GNAI2: variants seen among roughly 807,000 people sequenced by gnomAD.
GNAI2 encodes the protein guanine nucleotide-binding protein G(i) subunit alpha-2.
GNAI2 carries 4 observed loss-of-function variants against 36.8 expected under a neutral mutation model. The observed-to-expected ratio is 0.11, with a 90% CI of 0.05 to 0.25. The LOEUF is 0.25. Ranked by LOEUF, GNAI2 falls within the 10% of genes least tolerant of loss-of-function variation. GNAI2 has a pLI of 1.00. For missense variants in GNAI2, 230 were observed against 481.3 expected, an observed-to-expected ratio of 0.48 and a Z score of 4.89; for synonymous variants, 194 against 194.1, an observed-to-expected ratio of 1.00 and a Z score of 0.01.
rs1442854791 is a variant in GNAI2 at position 50,241,668 on chromosome 3, C to T, written c.118+5215C>T. On this transcript the variant is annotated intron_variant, in intron 1 of 8. Coordinates refer to ENST00000313601, the MANE Select transcript of GNAI2 (RefSeq NM_002070.4). This position sits in a 1 kb window ranked among gnomAD's most constrained non-coding sequence, Gnocchi z 5.0. ...AGGTGTGAGGACAGAGAGAATGAGC[C>T]GCGCTGCTGTGGCAGGAGGTGGAAG... 6.6e-6 allele frequency among the ~76,000 whole-genome samples: 1 copy of T among 152,182 alleles called. No homozygotes were observed. The highest frequency in any genetic ancestry group is 6.5e-5 in the Admixed American group (1 of 15,276).
rs1431211734 is a variant in GNAI2 at position 50,253,344 on chromosome 3, G to A, written c.464+160G>A. Among the ~76,000 whole-genome samples the A allele has an allele frequency of 3.3e-5, 5 of 152,048 alleles. No homozygotes were observed. The highest frequency in any genetic ancestry group is 9.7e-5 in the African/African-American group (4 of 41,382). ...CTTCCTGTTTTTTGGTTTGGGGGGTGGGTGGGTGTCACGTTACTGAAAGGC... is the reference window on the plus strand; with the variant it reads ...CTTCCTGTTTTTTGGTTTGGGGGGTAGGTGGGTGTCACGTTACTGAAAGGC... On this transcript the variant is annotated intron_variant, in intron 4 of 8. Transcript: ENST00000313601. This position sits in a 1 kb window ranked among gnomAD's most constrained non-coding sequence, Gnocchi z 4.2.
intron 5 of GNAI2, 162 bp from the exon 6 acceptor site, chr3:50,256,561 C>G (rs1575456696): frequency 2.5e-6 from 2 of 802,802 alleles, no homozygotes; most frequent in East Asian, 5.1e-5. Context: ...TGTCCAAGCT[C>G]CTGGCCCAGA....
In GNAI2 at chr3:50,252,040, TTCTGTGCCTGTGGAGCCCC is replaced by T; in HGVS notation, c.119-55_119-37del. 2.6e-6 allele frequency: 4 copies of T among 1,527,714 alleles called. No homozygotes were observed. Among genetic ancestry groups the T allele is most frequent in the Non-Finnish European group, 3.6e-6 (4 of 1,103,492 alleles). The allele number at this position is 1,527,714 out of a possible 1,614,324, so 94.6% of individuals were successfully genotyped here. On this transcript the variant is annotated intron_variant, in intron 1 of 8. Transcript: ENST00000313601. The surrounding 1 kb of genome is among the most constrained non-coding windows in gnomAD (Gnocchi z 4.1). ...TGGGCTACAGGTGTCTGGGCATTTG[TTCTGTGCCTGTGGAGCCCC>T]TCTGGGCCTGCCCCCTGACCACCTG...
At chr3:50,246,802 G>A in intron 1 of GNAI2, 1 of 831,490 alleles carries the variant, frequency 1.2e-6, no homozygotes, top group Non-Finnish European at 1.7e-6. Context: ...CAGCAGTGAG[G>A]CTCCTGGGCA....
upstream of GNAI2, chr3:50,229,152 C>G (rs1468819650): frequency 6.6e-6 from 1 of 152,162 alleles, no homozygotes; most frequent in Non-Finnish European, 1.5e-5. Context: ...GAAAGCATGG[C>G]AAGGAGGACT....
At chr3:50,250,644 G>A (rs1700531916) in intron 1 of GNAI2, among the ~76,000 whole-genome samples, 1 of 152,154 alleles carries the variant, frequency 6.6e-6, no homozygotes, top group Non-Finnish European at 1.5e-5. Flanking sequence ...AGCAGCAAGG[G>A]AGCAAGGTCA....
rs1170893603 is a variant in GNAI2 at position 50,256,044 on chromosome 3, CAAAAAAAAAAAA to C, written c.465-130_465-119del. On this transcript the variant is annotated intron_variant, in intron 4 of 8. Coordinates refer to ENST00000313601, the MANE Select transcript of GNAI2 (RefSeq NM_002070.4). ...CTGGCAACAGAGTAACACTCTGTCT[CAAAAAAAAAAAA>C]AAAAAAAAAAAAAAAAAGCAAGGGC... The C allele has an allele frequency of 1.1e-3, 155 of 142,750 alleles. 1 individual carries two copies. In the African/African-American group the frequency reaches 0.014, roughly 13 times the overall value. The allele number at this position is 142,750 out of a possible 1,614,324, so 8.8% of individuals were successfully genotyped here. A position where few individuals can be genotyped will look rare whatever the true frequency, so the allele number is the denominator to read the frequency against.
chr3:50,257,656 T>C lies in GNAI2; in HGVS notation c.1034T>C (p.Ile345Thr), dbSNP rs1553703500. The C allele has an allele frequency of 1.3e-6, 2 of 1,599,780 alleles. No individual in the cohort carries two copies. The highest frequency in any genetic ancestry group is 8.5e-7 in the Non-Finnish European group (1 of 1,172,044). The change falls in exon 8 of 9, where the codon ATC becomes ACC. Residue 345 changes from isoleucine to threonine, a missense_variant. Ile to Thr is a moderately conservative substitution (Grantham distance 89). Transcript: ENST00000313601. The stretch of plus-strand genomic sequence containing the variant: ...TTTGACGCCGTCACCGATGTCATCA[T>C]CAAGAACAACCTGAAGGACTGCGGC... ...FVFDAVTDVIIKNNLKDCGLF is the reference protein window; with the variant it reads ...FVFDAVTDVITKNNLKDCGLF
chr3:50,227,083 C>G (rs1365311385), upstream of GNAI2: 2 of 1,255,472 alleles, frequency 1.6e-6, no homozygotes, highest in Non-Finnish European at 2.1e-6. The surrounding 1 kb of genome is among the most constrained non-coding windows in gnomAD (Gnocchi z 5.9). Context: ...ACCGTCTAAT[C>G]TCTGCTGTGA....
At position 50,256,959 on chromosome 3, in the gene GNAI2, A is replaced by G; in HGVS notation, c.746A>G (p.Lys249Arg). ...EEMNRMHESM[K>R]LFDSICNNKW... Reference sequence around the variant, plus strand: ...CAGAACCGCATGCATGAGAGCATGAAGCTATTCGATAGCATCTGCAACAAC... The same window carrying G: ...CAGAACCGCATGCATGAGAGCATGAGGCTATTCGATAGCATCTGCAACAAC... Residue 249 changes from lysine (K) to arginine (R), a missense_variant, in exon 7 of 9, where the codon AAG (lysine) becomes AGG (arginine). Physicochemically the swap from Lys to Arg is conservative, Grantham distance 26 (BLOSUM62 2). Coordinates refer to ENST00000313601, the MANE Select transcript of GNAI2 (RefSeq NM_002070.4). 1 of 1,614,158 alleles carries G rather than the reference A, an allele frequency of 6.2e-7. No individual in the cohort carries two copies. The highest frequency in any genetic ancestry group is 8.5e-7 in the Non-Finnish European group (1 of 1,180,010).
chr3:50,227,497 G>A, upstream of GNAI2: 1 of 240,214 alleles, frequency 4.2e-6, no homozygotes, highest in East Asian at 7.1e-5. This position sits in a 1 kb window ranked among gnomAD's most constrained non-coding sequence, Gnocchi z 5.9. Flanking sequence ...CCCCAGGCCC[G>A]CCAGGAGGCG....
chr3:50,251,349 C>T, intron 1 of GNAI2: 1 of 994,716 alleles, frequency 1.0e-6, no homozygotes, highest in Non-Finnish European at 1.2e-6. Context: ...CAGCAAATCT[C>T]AGTACCAGCT....
rs1459010424 is a variant in GNAI2 at position 50,252,625 on chromosome 3, A to G, written c.303+87A>G. ...GTGGCTCATGCCTATAAATCCCAGC[A>G]CTTTGGGACGCCGAGGCGGGTGGAT... On this transcript the variant is annotated intron_variant, in intron 3 of 8. Transcript: ENST00000313601. The surrounding 1 kb of genome is among the most constrained non-coding windows in gnomAD (Gnocchi z 4.1). 13 of 1,158,752 alleles carry G rather than the reference A, an allele frequency of 1.1e-5. No homozygotes were observed. The highest frequency in any genetic ancestry group is 1.6e-5 in the Non-Finnish European group (13 of 802,762). 71.8% of individuals were successfully genotyped at this position (1,158,752 alleles called of 1,614,324 possible).
intron 1 of GNAI2, among the ~76,000 whole-genome samples, chr3:50,249,295 AC>A (rs1292970369): frequency 6.6e-6 from 1 of 152,128 alleles, no homozygotes. Context: ...AGTGGGGAAG[AC>A]AGTCAGGTAG....
chr3:50,232,375 C>T (rs1553699863), upstream of GNAI2, among the ~76,000 whole-genome samples: 1 of 152,178 alleles, frequency 6.6e-6, no homozygotes, highest in Admixed American at 6.5e-5. Flanking sequence ...TTATTGAGGG[C>T]TTTCTATGTG....
rs1305806290 is a variant in GNAI2 at position 50,236,302 on chromosome 3, GGGCCGGGCGGC to G, written c.-25_-15del. 5 of 1,333,970 alleles carry G rather than the reference GGGCCGGGCGGC, an allele frequency of 3.7e-6. No homozygotes were observed. The highest frequency in any genetic ancestry group is 2.1e-5 in the South Asian group (1 of 48,148). 82.6% of individuals were successfully genotyped at this position (1,333,970 alleles called of 1,614,324 possible). A position where few individuals can be genotyped will look rare whatever the true frequency, so the allele number is the denominator to read the frequency against. ...CCGAGCCGGGCCGTGGGCCGTGTGG[GGGCCGGGCGGC>G]GGCCGGGCCGGCGGACGGCGGGATG... On this transcript the variant is annotated 5_prime_UTR_variant, in exon 1 of 9. Coordinates refer to ENST00000313601, the MANE Select transcript of GNAI2 (RefSeq NM_002070.4). The surrounding 1 kb of genome is among the most constrained non-coding windows in gnomAD (Gnocchi z 4.0).
Position 50,251,761 on chromosome 3 carries a change from TG to T in GNAI2, c.119-338del, listed in dbSNP as rs1553702506. ...CTGCACAGGTTGGCGAGCCTATGTA[TG>T]TGAGAACAGGGTGGCTCCTTCATGG... On this transcript the variant is annotated intron_variant, in intron 1 of 8. Transcript: ENST00000313601. 7 of 1,317,978 alleles carry T rather than the reference TG, an allele frequency of 5.3e-6. No homozygotes were observed. The South Asian group carries it at 6.5e-5, about 12-fold the overall frequency. The allele number at this position is 1,317,978 out of a possible 1,614,324, so 81.6% of individuals were successfully genotyped here.
At chr3:50,235,774 C>T (rs1359370530), upstream of GNAI2, among the ~76,000 whole-genome samples, 1 of 152,234 alleles carries the variant, frequency 6.6e-6, no homozygotes. Flanking sequence ...GACAAAGACA[C>T]GCCTCCTCCA....
intron 4 of GNAI2, among the ~76,000 whole-genome samples, chr3:50,254,985 C>T (rs1700654814): frequency 1.3e-5 from 2 of 152,206 alleles, no homozygotes; most frequent in African/African-American, 4.8e-5. Context: ...AAGGGAGAGG[C>T]TGGTGTGGAA....
Sources: allele counts gnomAD v4.1 joint callset (sites outside exome capture counted in the v4.1 genomes callset), GRCh38; gene constraint gnomAD v4.1.1; non-coding constraint Gnocchi (gnomAD v3.1); transcripts MANE v1.5; gene names NCBI Gene and HGNC (gene_info 2026-07-23, HGNC 2026-07-21).